The following STOM variants were observed in gnomAD, a reference collection of about 807,000 sequenced individuals.
The protein encoded by STOM is erythrocyte band 7 integral membrane protein.
In STOM, 25 loss-of-function variants were observed where a neutral mutation model predicts 30.6. That is an observed-to-expected ratio of 0.82 (90% confidence interval 0.60 to 1.14). STOM has a LOEUF of 1.14. Ranked by LOEUF, STOM falls within the 50% of genes most tolerant of loss-of-function variation. The pLI is 0.00. For synonymous variants in STOM, 118 were observed against 130.8 expected, an observed-to-expected ratio of 0.90 and a Z score of 0.67; for missense variants, 292 against 365.2, an observed-to-expected ratio of 0.80 and a Z score of 1.63.
rs1476159183 is a variant in STOM, at chr9:121,354,693, A to G, written c.166-20T>C. On this transcript the variant is annotated intron_variant, in intron 2 of 6. Coordinates refer to ENST00000286713, the MANE Select transcript of STOM (RefSeq NM_004099.6). ...TATAATCTAGAATAAAAACATGAATAATAATTTAACATGAAGAGTACAAAT... is the reference window on the plus strand; with the variant it reads ...TATAATCTAGAATAAAAACATGAATGATAATTTAACATGAAGAGTACAAAT... 2.6e-6 allele frequency: 4 copies of G among 1,562,706 alleles called. No individual in the cohort carries two copies. Among genetic ancestry groups the G allele is most frequent in the Non-Finnish European group, 2.6e-6 (3 of 1,141,336 alleles).
At chr9:121,355,218 G>T in intron 2 of STOM, among the ~76,000 whole-genome samples, 1 of 130,102 alleles carries the variant, frequency 7.7e-6, no homozygotes, top group African/African-American at 2.9e-5. Flanking sequence ...TGGGCCACAA[G>T]GTGACTCCGT....
rs1035939295 is a variant in STOM at position 121,340,493 on chromosome 9, T to C, written c.*709A>G. On this transcript the variant is annotated 3_prime_UTR_variant, in exon 7 of 7. Coordinates refer to ENST00000286713, the MANE Select transcript of STOM (RefSeq NM_004099.6). The stretch of plus-strand genomic sequence containing the variant: ...AGCTCATGCCTGTAATCCCAGCACT[T>C]TGGGAGGCAGAGGTGGGTGGATCAC... 8 of 977,890 alleles carry C rather than the reference T, an allele frequency of 8.2e-6. No individual in the cohort carries two copies. The African/African-American group carries it at 1.4e-4, about 17-fold the overall frequency. The allele number at this position is 977,890 out of a possible 1,614,324, so 60.6% of individuals were successfully genotyped here.
At position 121,348,146 on chromosome 9, in the gene STOM, T is replaced by C; in HGVS notation, c.529A>G (p.Thr177Ala). 3 of 1,613,872 alleles carry C rather than the reference T, an allele frequency of 1.9e-6. No individual in the cohort carries two copies. The highest frequency in any genetic ancestry group is 2.2e-5 in the South Asian group (2 of 91,080). Residue 177 changes from threonine to alanine, a missense_variant, in exon 6 of 7, where the codon ACT becomes GCT. Thr to Ala is a moderately conservative substitution (Grantham distance 58, BLOSUM62 0). Transcript: ENST00000286713. ...CAGGCATCAGTGGCATCATCCAGAG[T>C]AGACTGTTAGGAAGAGAGAAGGCAA... ...REEIAHNMQS[T>A]LDDATDAWGI...
chr9:121,370,067 A>C, intron 1 of STOM, 60 bp downstream of exon 1: 1 of 1,465,176 alleles, frequency 6.8e-7, no homozygotes, highest in South Asian at 1.2e-5. Context: ...CAGACCTCGG[A>C]GCGCACGCTG....
At chr9:121,361,931 C>G (rs2064457112) in intron 1 of STOM, among the ~76,000 whole-genome samples, 1 of 152,166 alleles carries the variant, frequency 6.6e-6, no homozygotes, top group East Asian at 1.9e-4. Context: ...AACCTAGATC[C>G]CTCATATGTG....
intron 1 of STOM, among the ~76,000 whole-genome samples, chr9:121,366,682 G>T (rs1157254408): frequency 6.6e-6 from 1 of 152,156 alleles, no homozygotes; most frequent in African/African-American, 2.4e-5. Flanking sequence ...ACTCCAGGGG[G>T]ATTTTTATCT....
chr9:121,354,818 T>C, intron 2 of STOM, 145 bp from the exon 3 acceptor site: 2 of 571,768 alleles, frequency 3.5e-6, no homozygotes, highest in Non-Finnish European at 6.0e-6. Flanking sequence ...AAATCACATG[T>C]CCAATGTTTA....
At chr9:121,352,256 C>T (rs2064346109) in intron 4 of STOM, among the ~76,000 whole-genome samples, 1 of 152,210 alleles carries the variant, frequency 6.6e-6, no homozygotes, top group African/African-American at 2.4e-5. Context: ...GTAAATACTA[C>T]ATAAATAGTT....
At chr9:121,346,809 T>G (rs1027053715) in intron 6 of STOM, among the ~76,000 whole-genome samples, 1 of 152,230 alleles carries the variant, frequency 6.6e-6, no homozygotes, top group Non-Finnish European at 1.5e-5. Context: ...ACTATCCTAT[T>G]TGATGCTGGC....
intron 1 of STOM, among the ~76,000 whole-genome samples, chr9:121,357,437 A>ATATATATATATATATATATATTTATT (rs1318433915): frequency 3.1e-4 from 28 of 91,010 alleles, no homozygotes; most frequent in African/African-American, 6.9e-4. Context: ...ATATATATAT[A>ATATATATATATATATATATATTTATT]TATTTATTTA....
At chr9:121,355,248 AAATAATAAT>A (rs1554830893) in intron 2 of STOM, among the ~76,000 whole-genome samples, 1 of 131,206 alleles carries the variant, frequency 7.6e-6, no homozygotes, top group African/African-American at 2.9e-5. Context: ...AAAAAAAAAA[AAATAATAAT>A]AATAATAATA....
At position 121,350,564 on chromosome 9, in the gene STOM, G is replaced by A. The variant is rs2064330477; in HGVS notation, c.322-1241C>T. ...ACAGTGACCGATGAGGAACACAGCA[G>A]TGAGAGTTAGGAGACCTGAACTGAG... On this transcript the variant is annotated intron_variant, in intron 4 of 6. Transcript: ENST00000286713. Among the ~76,000 whole-genome samples the A allele has an allele frequency of 2.0e-5, 3 of 152,330 alleles. No individual in the cohort carries two copies. The South Asian group carries it at 6.2e-4, about 32-fold the overall frequency.
rs539452623 is a variant in STOM at position 121,350,047 on chromosome 9, C to T, written c.322-724G>A. On this transcript the variant is annotated intron_variant, in intron 4 of 6. Transcript: ENST00000286713. ...AATGCGTTAAATACATTCAAGTGCT[C>T]AGAAAAGTTCCTGGCACGTAAGAGC... Among the ~76,000 whole-genome samples the T allele has an allele frequency of 4.6e-5, 7 of 152,294 alleles. No homozygotes were observed. In the East Asian group the frequency reaches 1.3e-3, roughly 29 times the overall value.
At chr9:121,360,268 A>G (rs1026675609) in intron 1 of STOM, among the ~76,000 whole-genome samples, 152 of 152,218 alleles carry the variant, frequency 1.0e-3, no homozygotes, top group African/African-American at 3.5e-3. Flanking sequence ...TATGGCACTT[A>G]TATCTTGTCT....
intron 1 of STOM, among the ~76,000 whole-genome samples, chr9:121,365,846 A>G (rs943004126): frequency 1.2e-4 from 18 of 152,332 alleles, no homozygotes; most frequent in African/African-American, 4.3e-4. Flanking sequence ...CAACTTTAAG[A>G]TCACTATTGA....
intron 5 of STOM, among the ~76,000 whole-genome samples, chr9:121,348,413 ACCC>A (rs2064308631): frequency 6.6e-6 from 1 of 152,140 alleles, no homozygotes; most frequent in Non-Finnish European, 1.5e-5. Flanking sequence ...CAACTATTTA[ACCC>A]AGCTGTTGTA....
intron 3 of STOM, 28 bp downstream of exon 3, chr9:121,354,573 A>G (rs2064368102): frequency 6.5e-7 from 1 of 1,538,584 alleles, no homozygotes; most frequent in Admixed American, 2.1e-5. Flanking sequence ...TAGTTTTCAG[A>G]TAAACAATCT....
chr9:121,351,086 G>T (rs1420725872), intron 4 of STOM, among the ~76,000 whole-genome samples: 1 of 152,170 alleles, frequency 6.6e-6, no homozygotes, highest in African/African-American at 2.4e-5. Context: ...CTTCACAGGG[G>T]ATCAGAAAAA....
chr9:121,341,164 C>A lies in STOM; in HGVS notation c.*38G>T. 2 of 1,612,754 alleles carry A rather than the reference C, an allele frequency of 1.2e-6. No individual in the cohort carries two copies. Among genetic ancestry groups the A allele is most frequent in the South Asian group, 2.2e-5 (2 of 91,040 alleles). On this transcript the variant is annotated 3_prime_UTR_variant, in exon 7 of 7. Transcript: ENST00000286713. ...TATGAGTTAAAGGCTAATTTGGTCC[C>A]CGACTTCATGCTTGGAAGGCTAGCG...
Sources: gnomAD v4.1 joint callset for allele counts (sites outside exome capture counted in the v4.1 genomes callset) on GRCh38, gnomAD v4.1.1 for gene constraint, MANE v1.5 for transcripts, NCBI Gene and HGNC (gene_info 2026-07-23, HGNC 2026-07-21) for gene names.